Variants in PHLPP1 observed in about 807,000 individuals in gnomAD.
PHLPP1 encodes the protein PH domain leucine-rich repeat-containing protein phosphatase 1.
A neutral mutation model predicts 117.2 loss-of-function variants in PHLPP1; 42 were observed. The ratio of observed to expected loss-of-function variants is 0.36; its 90% CI spans 0.28 to 0.46. The LOEUF is 0.46. PHLPP1 is among the 20% of genes least tolerant of loss of function. The pLI is 1.00. For synonymous variants in PHLPP1, 1,042 were observed against 970.7 expected, an observed-to-expected ratio of 1.07 and a Z score of -1.37; for missense variants, 2,084 against 2,241.9, an observed-to-expected ratio of 0.93 and a Z score of 1.42.
At chr18:62,968,883 T>C (rs553023329) in intron 14 of PHLPP1, among the ~76,000 whole-genome samples, 1 of 152,294 alleles carries the variant, frequency 6.6e-6, no homozygotes, top group East Asian at 1.9e-4. Context: ...GTTCCTCCAC[T>C]CTCTCATTCC....
At chr18:62,810,984 C>T (rs1045365528) in intron 1 of PHLPP1, among the ~76,000 whole-genome samples, 3 of 152,068 alleles carry the variant, frequency 2.0e-5, no homozygotes, top group African/African-American at 4.8e-5. Flanking sequence ...GACCCTAAAT[C>T]TAATTACTGG....
rs573523351 is a variant in PHLPP1 at position 62,726,119 on chromosome 18, C to T, written c.1576+8860C>T. 6.7e-5 allele frequency among the ~76,000 whole-genome samples: 10 copies of T among 148,526 alleles called. No individual in the cohort carries two copies. The East Asian group carries it at 1.2e-3, about 17-fold the overall frequency. On this transcript the variant is annotated intron_variant, in intron 1 of 16. Transcript: ENST00000262719. The stretch of plus-strand genomic sequence containing the variant: ...CACTATATATATGTATGTGTATATA[C>T]ACACACACACACACACACGCATGTT...
chr18:62,876,270 A>C (rs542655228), intron 4 of PHLPP1, among the ~76,000 whole-genome samples: 1 of 152,138 alleles, frequency 6.6e-6, no homozygotes, highest in Non-Finnish European at 1.5e-5. Flanking sequence ...CTCACTTCAC[A>C]TTCTCTTGCC....
At chr18:62,766,076 A>AAAATATATATATATATATATATAT in intron 1 of PHLPP1, among the ~76,000 whole-genome samples, 10 of 21,650 alleles carry the variant, frequency 4.6e-4, no homozygotes, top group Admixed American at 1.6e-3. Flanking sequence ...AAAAAAAAAA[A>AAAATATATATATATATATATATAT]ATATATATAT....
intron 1 of PHLPP1, among the ~76,000 whole-genome samples, chr18:62,783,907 A>G (rs1186698596): frequency 6.6e-6 from 1 of 152,218 alleles, no homozygotes; most frequent in Non-Finnish European, 1.5e-5. Context: ...TCTCTCATTC[A>G]AGAAAGGGCC....
intron 9 of PHLPP1, among the ~76,000 whole-genome samples, chr18:62,917,436 T>TGTGTGTGTG (rs1909324913): frequency 1.4e-5 from 1 of 70,522 alleles, no homozygotes; most frequent in African/African-American, 5.0e-5. Flanking sequence ...GTGTGTGTGT[T>TGTGTGTGTG]TAACATGTGG....
intron 4 of PHLPP1, among the ~76,000 whole-genome samples, chr18:62,864,899 C>T (rs900920692): frequency 1.4e-4 from 21 of 152,234 alleles, no homozygotes; most frequent in African/African-American, 4.8e-4. Flanking sequence ...AATCTAATAA[C>T]AGGTATACCA....
intron 1 of PHLPP1, among the ~76,000 whole-genome samples, chr18:62,765,639 G>A (rs1465238556): frequency 6.6e-6 from 1 of 152,064 alleles, no homozygotes; most frequent in African/African-American, 2.4e-5. Flanking sequence ...AGATCTACAG[G>A]GTAAAGCATG....
Position 62,978,967 on chromosome 18 carries a change from G to A in PHLPP1, c.4690G>A (p.Glu1564Lys). ...CGTCTTCACCAACGGCAGCCGGGTG[G>A]AGGTGGAGGTGGACATCCACTGCAG... ...EGVFTNGSRVEVEVDIHCSRA... is the reference protein window; with the variant it reads ...EGVFTNGSRVKVEVDIHCSRA... Residue 1564 changes from glutamate (E) to lysine (K), a missense_variant, in exon 17 of 17, where the codon GAG becomes AAG. Transcript: ENST00000262719. The surrounding 1 kb of genome is among the most constrained non-coding windows in gnomAD (Gnocchi z 7.0). The A allele has an allele frequency of 1.9e-6, 3 of 1,611,060 alleles. No homozygotes were observed. The highest frequency in any genetic ancestry group is 2.5e-6 in the Non-Finnish European group (3 of 1,178,740).
Position 62,969,775 on chromosome 18 carries a change from T to C in PHLPP1, c.3561-2739T>C, listed in dbSNP as rs182258346. On this transcript the variant is annotated intron_variant, in intron 14 of 16. Transcript: ENST00000262719. ...AAATATACTTTGTCTGATATTAACA[T>C]AGCCATTTTAACTTTCTTTTGATTA... Among the ~76,000 whole-genome samples, 317 of 152,364 alleles carry C rather than the reference T, an allele frequency of 2.1e-3. 2 individuals carry two copies. The highest frequency in any genetic ancestry group is 7.3e-3 in the African/African-American group (304 of 41,592).
intron 1 of PHLPP1, among the ~76,000 whole-genome samples, chr18:62,762,210 C>T (rs1194625858): frequency 1.3e-5 from 2 of 151,300 alleles, no homozygotes; most frequent in Non-Finnish European, 2.9e-5. Context: ...TAGTTCAGGT[C>T]GTCACTCATC....
At chr18:62,740,757 A>G (rs1032510299) in intron 1 of PHLPP1, among the ~76,000 whole-genome samples, 1 of 152,220 alleles carries the variant, frequency 6.6e-6, no homozygotes, top group African/African-American at 2.4e-5. Context: ...GGATCACCTG[A>G]GGTCAGGAGT....
intron 12 of PHLPP1, among the ~76,000 whole-genome samples, chr18:62,956,228 G>T (rs4290562): frequency 0.15 from 23,021 of 152,146 alleles, 2,076 homozygotes; most frequent in East Asian, 0.35. Context: ...AGTTCTAGAG[G>T]CTGGGAAGTC....
chr18:62,821,161 T>C (rs747421805), intron 1 of PHLPP1, among the ~76,000 whole-genome samples: 4 of 152,138 alleles, frequency 2.6e-5, no homozygotes, highest in Non-Finnish European at 5.9e-5. Flanking sequence ...ACCTAGTGCG[T>C]TGGCTCACGC....
At chr18:62,783,662 G>C (rs572359201) in intron 1 of PHLPP1, among the ~76,000 whole-genome samples, 1 of 148,208 alleles carries the variant, frequency 6.7e-6, no homozygotes. Flanking sequence ...TTGAAGAAAA[G>C]CTTTTCTTTT....
intron 4 of PHLPP1, among the ~76,000 whole-genome samples, chr18:62,875,719 CT>C (rs34493677): frequency 0.59 from 88,632 of 148,986 alleles, 26,493 homozygotes; most frequent in African/African-American, 0.63. Context: ...TTTGTAGCAA[CT>C]TTTTTTTTTT....
intron 4 of PHLPP1, among the ~76,000 whole-genome samples, chr18:62,875,251 G>A (rs988777265): frequency 1.3e-5 from 2 of 152,076 alleles, no homozygotes; most frequent in Non-Finnish European, 2.9e-5. Context: ...ACCACGTCCG[G>A]CCTATAGAAT....
At chr18:62,829,968 G>C (rs1914711654) in intron 1 of PHLPP1, 67 bp from the exon 2 acceptor site, 1 of 1,097,602 alleles carries the variant, frequency 9.1e-7, no homozygotes, top group South Asian at 1.7e-5. Flanking sequence ...TCATATATCT[G>C]CTATGTAGAT....
chr18:62,766,076 A>AAAAAATATATATATAT, intron 1 of PHLPP1, among the ~76,000 whole-genome samples: 4 of 21,662 alleles, frequency 1.8e-4, no homozygotes, highest in East Asian at 6.6e-3. Context: ...AAAAAAAAAA[A>AAAAAATATATATATAT]ATATATATAT....
Sources: gnomAD v4.1 joint callset for allele counts (sites outside exome capture counted in the v4.1 genomes callset) on GRCh38, gnomAD v4.1.1 for gene constraint, Gnocchi (gnomAD v3.1) non-coding constraint, MANE v1.5 for transcripts, NCBI Gene and HGNC (gene_info 2026-07-23, HGNC 2026-07-21) for gene names.